WDR70: variants seen among roughly 807,000 people sequenced by gnomAD.
WDR70 encodes WD repeat-containing protein 70.
A neutral mutation model predicts 88.6 loss-of-function variants in WDR70; 53 were observed. The ratio of observed to expected loss-of-function variants is 0.60; its 90% CI spans 0.48 to 0.75. The LOEUF (loss-of-function observed/expected upper bound fraction) is 0.75, where lower values mean the gene tolerates loss of function less well. Ranked by LOEUF, WDR70 falls within the 30% of genes least tolerant of loss-of-function variation. WDR70 has a pLI of 0.00. For synonymous variants in WDR70, 280 were observed against 270.0 expected, an observed-to-expected ratio of 1.04 and a Z score of -0.36; for missense variants, 610 against 823.2, an observed-to-expected ratio of 0.74 and a Z score of 3.17.
At chr5:37,429,656 T>C (rs1561848987) in intron 5 of WDR70, among the ~76,000 whole-genome samples, 1 of 152,322 alleles carries the variant, frequency 6.6e-6, no homozygotes, top group East Asian at 1.9e-4. Flanking sequence ...ATGTGTGGGT[T>C]AATTTCTGAT....
intron 5 of WDR70, among the ~76,000 whole-genome samples, chr5:37,433,704 TA>T (rs1271340667): frequency 2.6e-5 from 4 of 152,214 alleles, no homozygotes; most frequent in Non-Finnish European, 5.9e-5. Context: ...TTCATCTAGA[TA>T]ACCTCTATTT....
chr5:37,538,450 C>T (rs746002752), intron 9 of WDR70, among the ~76,000 whole-genome samples: 1 of 152,172 alleles, frequency 6.6e-6, no homozygotes, highest in Non-Finnish European at 1.5e-5. Context: ...CAATGTGAGA[C>T]ATTCATGTAA....
intron 5 of WDR70, among the ~76,000 whole-genome samples, chr5:37,401,633 A>G (rs887091760): frequency 6.6e-6 from 1 of 151,880 alleles, no homozygotes; most frequent in Admixed American, 6.6e-5. Context: ...TTTTATTTTT[A>G]AAATTTTTGT....
chr5:37,573,373 A>T (rs778716597), intron 9 of WDR70, among the ~76,000 whole-genome samples: 3 of 152,138 alleles, frequency 2.0e-5, no homozygotes, highest in South Asian at 2.1e-4. Context: ...TCCCTCAGTT[A>T]CTGCCTCTTT....
intron 10 of WDR70, among the ~76,000 whole-genome samples, chr5:37,686,957 T>G (rs1581496803): frequency 2.7e-5 from 2 of 73,904 alleles, no homozygotes; most frequent in African/African-American, 4.9e-5. Flanking sequence ...CTCAAAATAA[T>G]AATAATAATA....
chr5:37,707,522 T>G lies in WDR70; in HGVS notation c.1416+4435T>G, dbSNP rs188371180. ...ACTAAACCTTTATTTTTGAAAACACTGCTATAACATCTAGCATAACCTAGC... is the reference window on the plus strand; with the variant it reads ...ACTAAACCTTTATTTTTGAAAACACGGCTATAACATCTAGCATAACCTAGC... On this transcript the variant is annotated intron_variant, in intron 13 of 17. Coordinates refer to ENST00000265107, the MANE Select transcript of WDR70 (RefSeq NM_018034.4). Among the ~76,000 whole-genome samples the G allele has an allele frequency of 9.1e-4, 138 of 152,280 alleles. 1 individual carries two copies. The Middle Eastern group carries it at 0.014, about 15-fold the overall frequency.
intron 8 of WDR70, among the ~76,000 whole-genome samples, chr5:37,503,987 G>A (rs968459798): frequency 2.6e-5 from 4 of 152,070 alleles, no homozygotes; most frequent in African/African-American, 9.7e-5. Flanking sequence ...TCTGTTTTCA[G>A]TGTTGTACAT....
chr5:37,631,356 T>C, intron 10 of WDR70, among the ~76,000 whole-genome samples: 1 of 152,188 alleles, frequency 6.6e-6, no homozygotes. Flanking sequence ...TAATTTGATA[T>C]ATAGAGCTTG....
intron 13 of WDR70, among the ~76,000 whole-genome samples, chr5:37,706,119 A>G (rs1747314149): frequency 6.6e-6 from 1 of 152,316 alleles, no homozygotes; most frequent in East Asian, 1.9e-4. Flanking sequence ...TTCTATAATT[A>G]TTTTTGAAAC....
At chr5:37,672,436 T>TTC (rs1222055597) in intron 10 of WDR70, among the ~76,000 whole-genome samples, 1 of 152,094 alleles carries the variant, frequency 6.6e-6, no homozygotes, top group Non-Finnish European at 1.5e-5. Context: ...CGCTCGTACA[T>TTC]TCGTTCTGTT....
At chr5:37,417,279 A>G (rs1446107527) in intron 5 of WDR70, among the ~76,000 whole-genome samples, 1 of 152,148 alleles carries the variant, frequency 6.6e-6, no homozygotes. Flanking sequence ...ACTAGAGTGC[A>G]GTGGCATGCT....
chr5:37,694,865 A>C (rs2112646108), intron 10 of WDR70, among the ~76,000 whole-genome samples: 1 of 150,116 alleles, frequency 6.7e-6, no homozygotes, highest in South Asian at 2.1e-4. Flanking sequence ...AATAATAATA[A>C]AGCAAGTTTA....
chr5:37,653,886 A>T (rs2112564785), intron 10 of WDR70, among the ~76,000 whole-genome samples: 1 of 152,038 alleles, frequency 6.6e-6, no homozygotes, highest in African/African-American at 2.4e-5. Context: ...TTTTTAAAAA[A>T]CCGGCTCCTG....
intron 8 of WDR70, among the ~76,000 whole-genome samples, chr5:37,498,693 C>A (rs1009609820): frequency 1.3e-5 from 2 of 152,190 alleles, no homozygotes; most frequent in African/African-American, 4.8e-5. Context: ...TTGAGGAAGT[C>A]AAAAACCTGT....
At chr5:37,423,500 G>A (rs1750014076) in intron 5 of WDR70, among the ~76,000 whole-genome samples, 1 of 149,760 alleles carries the variant, frequency 6.7e-6, no homozygotes, top group Admixed American at 6.6e-5. Context: ...AATCATGACA[G>A]AATTATAAAT....
intron 9 of WDR70, among the ~76,000 whole-genome samples, chr5:37,528,157 C>T (rs905848109): frequency 1.9e-4 from 29 of 152,320 alleles, no homozygotes; most frequent in African/African-American, 6.7e-4. Flanking sequence ...ATAAATCATG[C>T]TGCTGTAAAG....
At chr5:37,547,177 G>A (rs1433452178) in intron 9 of WDR70, among the ~76,000 whole-genome samples, 2 of 152,140 alleles carry the variant, frequency 1.3e-5, no homozygotes, top group Non-Finnish European at 2.9e-5. Context: ...TGGTGACCCT[G>A]TTGGCCATTT....
At chr5:37,444,504 C>T (rs1035269203) in intron 7 of WDR70, among the ~76,000 whole-genome samples, 1 of 151,842 alleles carries the variant, frequency 6.6e-6, no homozygotes, top group African/African-American at 2.4e-5. Flanking sequence ...CCATGCCTGG[C>T]TAATTTTTGT....
chr5:37,452,380 C>G (rs1297581830), intron 7 of WDR70, among the ~76,000 whole-genome samples: 1 of 151,774 alleles, frequency 6.6e-6, no homozygotes, highest in African/African-American at 2.4e-5. Context: ...ATTCTCCTGT[C>G]TCAGCCTCCT....
Sources: gnomAD v4.1 joint callset for allele counts (sites outside exome capture counted in the v4.1 genomes callset) on GRCh38, gnomAD v4.1.1 for gene constraint, MANE v1.5 for transcripts, NCBI Gene and HGNC (gene_info 2026-07-23, HGNC 2026-07-21) for gene names.